PPP2R5A: variants seen among roughly 807,000 people sequenced by gnomAD.
PPP2R5A encodes serine/threonine-protein phosphatase 2A 56 kDa regulatory subunit alpha isoform.
A neutral mutation model predicts 64.2 loss-of-function variants in PPP2R5A; 25 were observed. The observed-to-expected ratio is 0.39, with a 90% CI of 0.28 to 0.54. The LOEUF is 0.54. PPP2R5A is among the 20% of genes least tolerant of loss of function. The pLI is 0.67. For missense variants in PPP2R5A, 425 were observed against 576.3 expected (o/e 0.74, Z 2.69); for synonymous variants, 198 against 201.2 (o/e 0.98, Z 0.13).
rs570509387 is a variant in PPP2R5A, at chr1:212,352,615, A to G, written c.927+3373A>G. ...CAGGCATGCACCACCATGCCCAGCTAATTTTTTTGTATTTTTGGTAAAGAT... is the reference window on the plus strand; with the variant it reads ...CAGGCATGCACCACCATGCCCAGCTGATTTTTTTGTATTTTTGGTAAAGAT... On this transcript the variant is annotated intron_variant, in intron 8 of 12. Coordinates refer to ENST00000261461, the MANE Select transcript of PPP2R5A (RefSeq NM_006243.4). Among the ~76,000 whole-genome samples the G allele has an allele frequency of 4.0e-5, 6 of 151,402 alleles. No individual in the cohort carries two copies. In the East Asian group the frequency reaches 9.9e-4, roughly 25 times the overall value.
intron 1 of PPP2R5A, among the ~76,000 whole-genome samples, chr1:212,310,166 A>G (rs959175067): frequency 2.6e-5 from 4 of 152,196 alleles, no homozygotes; most frequent in Non-Finnish European, 5.9e-5. Flanking sequence ...ATTGTTTTCA[A>G]TAATGCTTTG....
intron 2 of PPP2R5A, 96 bp from the exon 3 acceptor site, chr1:212,333,401 C>CT: frequency 2.7e-6 from 2 of 740,260 alleles, no homozygotes; most frequent in South Asian, 3.5e-5. Context: ...ACAGCTATAA[C>CT]TTTTTTCTGA....
intron 2 of PPP2R5A, among the ~76,000 whole-genome samples, chr1:212,330,980 C>T (rs1013655706): frequency 4.6e-5 from 7 of 151,812 alleles, no homozygotes; most frequent in Non-Finnish European, 1.0e-4. Context: ...ACAGCCTGGC[C>T]AACATGGTGA....
At position 212,315,999 on chromosome 1, in the gene PPP2R5A, G is replaced by T. The variant is rs1659144446; in HGVS notation, c.182-13136G>T. ...CACACTTAATCAGTAGGTGTTGTTT[G>T]TGTTCTGATGGCTCCACCAACTGGC... On this transcript the variant is annotated intron_variant, in intron 1 of 12. Coordinates refer to ENST00000261461, the MANE Select transcript of PPP2R5A (RefSeq NM_006243.4). Among the ~76,000 whole-genome samples the T allele has an allele frequency of 3.3e-5, 5 of 152,246 alleles. No individual in the cohort carries two copies. The South Asian group carries it at 1.0e-3, about 32-fold the overall frequency.
intron 1 of PPP2R5A, among the ~76,000 whole-genome samples, chr1:212,327,964 G>A (rs1659436260): frequency 6.6e-6 from 1 of 152,132 alleles, no homozygotes; most frequent in Non-Finnish European, 1.5e-5. Context: ...ACAGGCATGC[G>A]CCACCATGCC....
intron 1 of PPP2R5A, among the ~76,000 whole-genome samples, chr1:212,322,755 T>TTTA (rs147135497): frequency 2.4e-4 from 36 of 147,100 alleles, no homozygotes; most frequent in Non-Finnish European, 4.5e-4. Context: ...TTAATTCTCA[T>TTTA]TTTATTTATT....
chr1:212,289,981 C>T (rs1005547445), intron 1 of PPP2R5A, among the ~76,000 whole-genome samples: 4 of 152,114 alleles, frequency 2.6e-5, no homozygotes, highest in Admixed American at 2.0e-4. Context: ...GCGAAGAAAT[C>T]AACCTAACCA....
chr1:212,297,567 A>G (rs1658721288), intron 1 of PPP2R5A: 1 of 152,220 alleles, frequency 6.6e-6, no homozygotes, highest in Non-Finnish European at 1.5e-5. Flanking sequence ...TTAGACCTTT[A>G]GACTGTAGTA....
intron 1 of PPP2R5A, among the ~76,000 whole-genome samples, chr1:212,328,842 C>G (rs1452221316): frequency 6.6e-6 from 1 of 152,180 alleles, no homozygotes; most frequent in Non-Finnish European, 1.5e-5. Flanking sequence ...CTCCACTACT[C>G]TGGAGGCTGA....
At chr1:212,320,834 G>A (rs1659266924) in intron 1 of PPP2R5A, among the ~76,000 whole-genome samples, 4 of 135,460 alleles carry the variant, frequency 3.0e-5, no homozygotes, top group South Asian at 2.5e-4. Flanking sequence ...CCTCCCTCCT[G>A]GACGGGGCGG....
At chr1:212,297,977 G>C (rs1303920525) in intron 1 of PPP2R5A, among the ~76,000 whole-genome samples, 2 of 39,136 alleles carry the variant, frequency 5.1e-5, no homozygotes, top group Non-Finnish European at 9.0e-5. Context: ...CTTCCGCAGC[G>C]TTTGTGTCCC....
At chr1:212,309,054 G>T in intron 1 of PPP2R5A, 1 of 685,176 alleles carries the variant, frequency 1.5e-6, no homozygotes, top group South Asian at 1.5e-5. Context: ...CAGTTTAGAT[G>T]ATCTCGATTT....
At chr1:212,352,217 T>TGGG (rs1034938255) in intron 8 of PPP2R5A, among the ~76,000 whole-genome samples, 4 of 151,190 alleles carry the variant, frequency 2.6e-5, no homozygotes, top group Non-Finnish European at 5.9e-5. Context: ...TTAGTAGAGA[T>TGGG]GGAGTTTCAT....
At chr1:212,323,325 G>A (rs1465966095) in intron 1 of PPP2R5A, among the ~76,000 whole-genome samples, 1 of 152,190 alleles carries the variant, frequency 6.6e-6, no homozygotes, top group Non-Finnish European at 1.5e-5. Flanking sequence ...AAAGGATTGT[G>A]TGAAATTAGT....
chr1:212,296,632 G>A (rs989731690), intron 1 of PPP2R5A, among the ~76,000 whole-genome samples: 1 of 152,198 alleles, frequency 6.6e-6, no homozygotes, highest in Admixed American at 6.5e-5. Flanking sequence ...GCCTGAATAA[G>A]GTTAAAGTGC....
chr1:212,351,956 TTTTA>T (rs1185386424), intron 8 of PPP2R5A, among the ~76,000 whole-genome samples: 8 of 142,706 alleles, frequency 5.6e-5, no homozygotes, highest in Middle Eastern at 3.6e-3. Context: ...AAAATAATTT[TTTTA>T]TTTTTCTTTT....
intron 1 of PPP2R5A, among the ~76,000 whole-genome samples, chr1:212,298,876 G>C (rs1238850068): frequency 9.6e-5 from 4 of 41,798 alleles, no homozygotes; most frequent in African/African-American, 4.8e-4. Context: ...GCCAGGCGGG[G>C]GGCTGACCCC....
intron 2 of PPP2R5A, among the ~76,000 whole-genome samples, chr1:212,330,500 G>A (rs1279165310): frequency 6.6e-6 from 1 of 151,274 alleles, no homozygotes; most frequent in Non-Finnish European, 1.5e-5. Flanking sequence ...AGTGAGCCAT[G>A]ATCACCACTG....
chr1:212,315,898 C>T (rs1050811364), intron 1 of PPP2R5A, among the ~76,000 whole-genome samples: 13 of 152,070 alleles, frequency 8.5e-5, no homozygotes, highest in African/African-American at 2.9e-4. Flanking sequence ...CTGTTATGAT[C>T]GCCTCCAATT....
Sources: allele counts gnomAD v4.1 joint callset (sites outside exome capture counted in the v4.1 genomes callset), GRCh38; gene constraint gnomAD v4.1.1; transcripts MANE v1.5; gene names NCBI Gene and HGNC (gene_info 2026-07-23, HGNC 2026-07-21).